The following PTPRK variants were observed in gnomAD, a reference collection of about 807,000 sequenced individuals.
PTPRK encodes the protein receptor-type tyrosine-protein phosphatase kappa.
In PTPRK, 75 loss-of-function variants were observed where a neutral mutation model predicts 178.0. The observed-to-expected ratio is 0.42, with a 90% confidence interval of 0.35 to 0.51. The LOEUF is 0.51. Ranked by LOEUF, PTPRK falls within the 20% of genes least tolerant of loss-of-function variation. The pLI, the probability that PTPRK is intolerant of heterozygous loss-of-function variation, is 0.02. For missense variants in PTPRK, 1,441 were observed against 1,797.8 expected, an observed-to-expected ratio of 0.80 and a Z score of 3.59; for synonymous variants, 637 against 620.6, an observed-to-expected ratio of 1.03 and a Z score of -0.39.
At chr6:128,318,353 T>A (rs1828322560) in intron 3 of PTPRK, among the ~76,000 whole-genome samples, 2 of 152,182 alleles carry the variant, frequency 1.3e-5, no homozygotes, top group Non-Finnish European at 2.9e-5. Context: ...AATATCAATA[T>A]AATATACATT....
intron 7 of PTPRK, among the ~76,000 whole-genome samples, chr6:128,148,922 C>G (rs1179457781): frequency 6.6e-6 from 1 of 151,880 alleles, no homozygotes; most frequent in East Asian, 1.9e-4. Flanking sequence ...TCATATTATG[C>G]CTTTCCAGGA....
At chr6:128,515,345 G>A (rs193222673) in intron 1 of PTPRK, among the ~76,000 whole-genome samples, 62 of 151,480 alleles carry the variant, frequency 4.1e-4, no homozygotes, top group Admixed American at 1.3e-3. Context: ...ATCAAATACT[G>A]TTTTAAGACC....
intron 7 of PTPRK, among the ~76,000 whole-genome samples, chr6:128,163,396 G>A (rs1271906228): frequency 6.6e-6 from 1 of 151,264 alleles, no homozygotes; most frequent in Non-Finnish European, 1.5e-5. Flanking sequence ...CCTAAAACAT[G>A]TTACAAGATG....
intron 3 of PTPRK, among the ~76,000 whole-genome samples, chr6:128,311,028 A>G (rs1401571803): frequency 6.6e-6 from 1 of 152,188 alleles, no homozygotes; most frequent in Non-Finnish European, 1.5e-5. Context: ...CAGCAGAAAG[A>G]ACAAACTTAA....
intron 1 of PTPRK, among the ~76,000 whole-genome samples, chr6:128,404,245 G>T (rs1309568835): frequency 2.0e-5 from 3 of 152,216 alleles, no homozygotes; most frequent in Non-Finnish European, 4.4e-5. Context: ...CAAATCAGTT[G>T]TTTGGCTGGC....
chr6:128,149,300 A>T (rs571455591), intron 7 of PTPRK, among the ~76,000 whole-genome samples: 2 of 151,488 alleles, frequency 1.3e-5, no homozygotes, highest in South Asian at 4.2e-4. Flanking sequence ...CTTAAAGTAT[A>T]ATAATAATAA....
chr6:128,380,547 C>CAG (rs1470914905), intron 2 of PTPRK, among the ~76,000 whole-genome samples: 1 of 147,560 alleles, frequency 6.8e-6, no homozygotes, highest in Admixed American at 6.7e-5. Context: ...CATACACACA[C>CAG]ACACACGTGT....
intron 7 of PTPRK, among the ~76,000 whole-genome samples, chr6:128,179,830 T>G (rs974431094): frequency 1.3e-5 from 2 of 152,180 alleles, no homozygotes; most frequent in Admixed American, 1.3e-4. Context: ...GTTTCTGGTA[T>G]ATGCCTGAGT....
chr6:128,207,075 C>T (rs1212576151), intron 6 of PTPRK, among the ~76,000 whole-genome samples: 1 of 152,130 alleles, frequency 6.6e-6, no homozygotes, highest in Non-Finnish European at 1.5e-5. Flanking sequence ...TCATTATGCC[C>T]CAGAACCCCA....
At chr6:128,492,580 A>G (rs529873574) in intron 1 of PTPRK, among the ~76,000 whole-genome samples, 1 of 152,326 alleles carries the variant, frequency 6.6e-6, no homozygotes, top group South Asian at 2.1e-4. Flanking sequence ...GAGACACAAT[A>G]ATATTTATTT....
intron 18 of PTPRK, 69 bp downstream of exon 18, chr6:127,995,393 G>C: frequency 2.7e-6 from 4 of 1,483,696 alleles, no homozygotes; most frequent in Non-Finnish European, 3.7e-6. Flanking sequence ...TCACTTTATA[G>C]GTAATAAGCA....
At position 128,473,785 on chromosome 6, in the gene PTPRK, C is replaced by A. The variant is rs556734078; in HGVS notation, c.100+46474G>T. On this transcript the variant is annotated intron_variant, in intron 1 of 29. Coordinates refer to ENST00000368226, the MANE Select transcript of PTPRK (RefSeq NM_002844.4). ...CCAGAATCTCCTGCTGATCAGCATA[C>A]AAAACCTATCTTGTAAAGCTACTAC... 5.9e-5 allele frequency among the ~76,000 whole-genome samples: 9 copies of A among 152,146 alleles called. 1 individual carries two copies. In the South Asian group the frequency reaches 1.2e-3, roughly 21 times the overall value.
chr6:128,186,253 A>G (rs767348028), intron 6 of PTPRK, among the ~76,000 whole-genome samples: 2 of 152,138 alleles, frequency 1.3e-5, no homozygotes, highest in Non-Finnish European at 2.9e-5. Context: ...ACTGATAAAT[A>G]ATGAATGTAA....
intron 8 of PTPRK, among the ~76,000 whole-genome samples, chr6:128,086,067 A>G (rs896195358): frequency 9.2e-5 from 14 of 152,202 alleles, no homozygotes; most frequent in African/African-American, 3.4e-4. Context: ...ATTGCAGGGA[A>G]TGTCACTTCA....
intron 13 of PTPRK, among the ~76,000 whole-genome samples, chr6:128,048,152 G>A (rs1269094583): frequency 6.6e-6 from 1 of 152,184 alleles, no homozygotes; most frequent in Non-Finnish European, 1.5e-5. Flanking sequence ...ATCACTGGCA[G>A]AGGGTGAATG....
intron 3 of PTPRK, among the ~76,000 whole-genome samples, chr6:128,303,935 G>A (rs975021883): frequency 6.6e-6 from 1 of 152,100 alleles, no homozygotes; most frequent in Non-Finnish European, 1.5e-5. Flanking sequence ...TTTACCCTAC[G>A]AAGACAAAAG....
At chr6:128,486,630 C>T (rs1852932927) in intron 1 of PTPRK, among the ~76,000 whole-genome samples, 1 of 151,938 alleles carries the variant, frequency 6.6e-6, no homozygotes, top group African/African-American at 2.4e-5. Flanking sequence ...ATGGTGAAAC[C>T]CTGTCTACAA....
At chr6:128,152,892 G>A (rs923193831) in intron 7 of PTPRK, among the ~76,000 whole-genome samples, 1 of 151,946 alleles carries the variant, frequency 6.6e-6, no homozygotes, top group Non-Finnish European at 1.5e-5. Context: ...ATTATCAGGG[G>A]ACATCATCTA....
At chr6:128,074,489 GAAAGA>G (rs1388573445) in intron 11 of PTPRK, among the ~76,000 whole-genome samples, 2 of 151,880 alleles carry the variant, frequency 1.3e-5, no homozygotes, top group African/African-American at 2.4e-5. Context: ...AAACCTTTTA[GAAAGA>G]AAAGAAAAGG....
Sources: gnomAD v4.1 joint callset for allele counts (sites outside exome capture counted in the v4.1 genomes callset) on GRCh38, gnomAD v4.1.1 for gene constraint, MANE v1.5 for transcripts, NCBI Gene and HGNC (gene_info 2026-07-23, HGNC 2026-07-21) for gene names.